The following COX16 variants were observed in gnomAD, a reference collection of about 807,000 sequenced individuals.
COX16 encodes cytochrome c oxidase assembly factor COX16.
A neutral mutation model predicts 15.4 loss-of-function variants in COX16; 12 were observed. The ratio of observed to expected loss-of-function variants is 0.78; its 90% CI spans 0.50 to 1.26. COX16 has a LOEUF of 1.26. Among genes scored for constraint, COX16 ranks in the 50% most tolerant of loss-of-function variants. COX16 has a pLI of 0.00. For missense variants in COX16, 124 were observed against 127.6 expected, an observed-to-expected ratio of 0.97 and a Z score of 0.14; for synonymous variants, 46 against 41.1, an observed-to-expected ratio of 1.12 and a Z score of -0.46.
At chr14:70,357,452 G>A (rs1887165510) in intron 1 of COX16, among the ~76,000 whole-genome samples, 3 of 152,136 alleles carry the variant, frequency 2.0e-5, no homozygotes, top group Non-Finnish European at 4.4e-5. Context: ...AAATTGCATG[G>A]CTGAATGTTG....
At chr14:70,345,293 G>A (rs1055596419) in intron 1 of COX16, among the ~76,000 whole-genome samples, 6 of 152,224 alleles carry the variant, frequency 3.9e-5, no homozygotes, top group South Asian at 2.1e-4. Context: ...AGGCGCCGGC[G>A]TGTGCCAGGC....
intron 2 of COX16, among the ~76,000 whole-genome samples, chr14:70,338,773 A>G (rs1353797994): frequency 1.3e-5 from 2 of 152,176 alleles, no homozygotes; most frequent in Non-Finnish European, 2.9e-5. Flanking sequence ...AGATGAGTAA[A>G]CTTATGATTG....
chr14:70,340,273 G>A (rs1486881650), intron 2 of COX16, among the ~76,000 whole-genome samples: 2 of 152,186 alleles, frequency 1.3e-5, no homozygotes, highest in Non-Finnish European at 2.9e-5. Flanking sequence ...AGAAGGTCAT[G>A]TTTGCTTCCC....
In COX16 at chr14:70,325,722, A is replaced by C. The variant is rs1440053595; in HGVS notation, c.*611T>G. 6.6e-6 allele frequency: 1 copy of C among 152,178 alleles called. No individual in the cohort carries two copies. The highest frequency in any genetic ancestry group is 1.9e-4 in the East Asian group (1 of 5,186). 9.4% of individuals were successfully genotyped at this position (152,178 alleles called of 1,614,324 possible). A position where few individuals can be genotyped will look rare whatever the true frequency, so the allele number is the denominator to read the frequency against. On this transcript the variant is annotated 3_prime_UTR_variant, in exon 4 of 4. Coordinates refer to ENST00000389912, the MANE Select transcript of COX16 (RefSeq NM_016468.7). The stretch of plus-strand genomic sequence containing the variant: ...TTGCCATATCTGCTTATAATCATAC[A>C]CTACTTCATAATTTTTGACAACCAT...
At chr14:70,354,386 G>C (rs1023514851) in intron 1 of COX16, among the ~76,000 whole-genome samples, 1 of 152,168 alleles carries the variant, frequency 6.6e-6, no homozygotes, top group African/African-American at 2.4e-5. Context: ...GAGGGCTGGG[G>C]CTTTGAGCTA....
At chr14:70,351,253 A>T (rs534363270) in intron 1 of COX16, among the ~76,000 whole-genome samples, 48 of 152,278 alleles carry the variant, frequency 3.2e-4, no homozygotes, top group South Asian at 4.1e-4. Context: ...GACATTTTAA[A>T]CATACCACAC....
intron 1 of COX16, among the ~76,000 whole-genome samples, chr14:70,350,229 G>A (rs943079362): frequency 6.6e-6 from 1 of 152,180 alleles, no homozygotes; most frequent in Non-Finnish European, 1.5e-5. Context: ...CAGGAAGAGA[G>A]CCGGCCGGAA....
intron 2 of COX16, among the ~76,000 whole-genome samples, chr14:70,333,216 C>T (rs1455422316): frequency 1.3e-5 from 2 of 152,256 alleles, no homozygotes; most frequent in East Asian, 3.9e-4. Flanking sequence ...AATATGACCT[C>T]ATCAAATGGA....
At chr14:70,345,856 T>TAA in intron 1 of COX16, among the ~76,000 whole-genome samples, 1 of 151,566 alleles carries the variant, frequency 6.6e-6, no homozygotes, top group African/African-American at 2.4e-5. Context: ...TATCCACCCC[T>TAA]CCCAACCCCT....
chr14:70,350,462 T>G (rs1192166182), intron 1 of COX16, among the ~76,000 whole-genome samples: 4 of 152,112 alleles, frequency 2.6e-5, no homozygotes, highest in Non-Finnish European at 5.9e-5. Context: ...CTCTCGGGGT[T>G]CAAACCAATA....
chr14:70,330,139 A>G (rs1219382850), intron 2 of COX16, among the ~76,000 whole-genome samples: 1 of 152,162 alleles, frequency 6.6e-6, no homozygotes, highest in East Asian at 1.9e-4. Flanking sequence ...ATTTTTAATC[A>G]AAGTGAAGTT....
At chr14:70,331,223 G>T (rs1196097421) in intron 2 of COX16, among the ~76,000 whole-genome samples, 1 of 152,078 alleles carries the variant, frequency 6.6e-6, no homozygotes, top group Admixed American at 6.6e-5. Context: ...GGCTAGGATG[G>T]TCTTGATCTC....
rs1169601829 is a variant in COX16, at chr14:70,326,332, G to A, written c.*1C>T. ...AAAAAAGGAAAAAAGAATCAGCAGA[G>A]TCAAGTTGTCTTAGTCTTAAGGCTT... On this transcript the variant is annotated 3_prime_UTR_variant, in exon 4 of 4. Transcript: ENST00000389912. 2 of 1,479,250 alleles carry A rather than the reference G, an allele frequency of 1.4e-6. No individual in the cohort carries two copies. The highest frequency in any genetic ancestry group is 1.8e-6 in the Non-Finnish European group (2 of 1,115,384). 91.6% of individuals were successfully genotyped at this position (1,479,250 alleles called of 1,614,324 possible). A position where few individuals can be genotyped will look rare whatever the true frequency, so the allele number is the denominator to read the frequency against.
Position 70,326,436 on chromosome 14 carries a change from G to A in COX16, c.218C>T (p.Ser73Phe). ...AATATTCTTCCAGTCATCAAACTTG[G>A]AGTCTTTGATTTTCTATAGAACCAC... The part of the protein sequence containing the change: ...LESEYEKIKD[S>F]KFDDWKNIRG... The change falls in exon 4 of 4, where the codon TCC becomes TTC. Residue 73 changes from serine (S) to phenylalanine (F), a missense_variant. Physicochemically the swap from Ser to Phe is radical, Grantham distance 155. Coordinates refer to ENST00000389912, the MANE Select transcript of COX16 (RefSeq NM_016468.7). The A allele has an allele frequency of 6.3e-7, 1 of 1,584,546 alleles. No homozygotes were observed. Among genetic ancestry groups the A allele is most frequent in the Non-Finnish European group, 8.6e-7 (1 of 1,168,182 alleles).
chr14:70,343,056 A>T (rs577986073), intron 1 of COX16, among the ~76,000 whole-genome samples: 2 of 150,962 alleles, frequency 1.3e-5, no homozygotes, highest in Non-Finnish European at 3.0e-5. Flanking sequence ...AAAAAAACAA[A>T]AACAAAAACA....
chr14:70,333,585 A>G (rs1278151669), intron 2 of COX16, among the ~76,000 whole-genome samples: 1 of 152,182 alleles, frequency 6.6e-6, no homozygotes, highest in African/African-American at 2.4e-5. Flanking sequence ...CACAGGATCT[A>G]TGGAACAACA....
At chr14:70,338,614 C>G (rs2140708437) in intron 2 of COX16, among the ~76,000 whole-genome samples, 1 of 152,266 alleles carries the variant, frequency 6.6e-6, no homozygotes, top group Middle Eastern at 3.4e-3. Context: ...TTTAGTAGTT[C>G]TAACCTCTGA....
chr14:70,336,929 G>A (rs1330519376), intron 2 of COX16, among the ~76,000 whole-genome samples: 1 of 152,114 alleles, frequency 6.6e-6, no homozygotes, highest in Admixed American at 6.5e-5. Context: ...TGCTATTACT[G>A]CAGTCTCTTG....
Position 70,340,985 on chromosome 14 carries a change from A to G in COX16, c.141+1673T>C, listed in dbSNP as rs1886608376. Among the ~76,000 whole-genome samples, 4 of 152,184 alleles carry G rather than the reference A, an allele frequency of 2.6e-5. 1 individual carries two copies. Among genetic ancestry groups the G allele is most frequent in the Admixed American group, 2.6e-4 (4 of 15,284 alleles). On this transcript the variant is annotated intron_variant, in intron 2 of 3. Transcript: ENST00000389912. ...TTTAATTAGCTGTCTTCCAGCCTCA[A>G]TTATAAACTTTATAAGTACTAGTTT...
Sources: allele counts gnomAD v4.1 joint callset (sites outside exome capture counted in the v4.1 genomes callset), GRCh38; gene constraint gnomAD v4.1.1; transcripts MANE v1.5; gene names NCBI Gene and HGNC (gene_info 2026-07-23, HGNC 2026-07-21).